Variants in SNTG2 observed in about 807,000 individuals in gnomAD.
SNTG2 encodes the protein syntrophin gamma 2.
A neutral mutation model predicts 70.9 loss-of-function variants in SNTG2; 74 were observed. The observed-to-expected ratio is 1.04, with a 90% CI of 0.86 to 1.27. SNTG2 has a LOEUF of 1.27. SNTG2 is among the 50% of genes most tolerant of loss of function. The pLI is 0.00. For synonymous variants in SNTG2, 278 were observed against 273.8 expected, an observed-to-expected ratio of 1.02 and a Z score of -0.15; for missense variants, 717 against 690.7, an observed-to-expected ratio of 1.04 and a Z score of -0.43.
At chr2:1,007,694 A>G (rs1388524479) in intron 1 of SNTG2, among the ~76,000 whole-genome samples, 3 of 152,226 alleles carry the variant, frequency 2.0e-5, no homozygotes, top group Non-Finnish European at 4.4e-5. Flanking sequence ...GTTCAGGTCT[A>G]TAGAAAAAGA....
chr2:1,060,490 G>T (rs975463340), intron 1 of SNTG2, among the ~76,000 whole-genome samples: 2 of 152,098 alleles, frequency 1.3e-5, no homozygotes, highest in South Asian at 4.1e-4. Context: ...TCCCGGCTTT[G>T]GATTCTAAAT....
chr2:1,127,904 G>A (rs1667797849), intron 4 of SNTG2, among the ~76,000 whole-genome samples: 1 of 152,022 alleles, frequency 6.6e-6, no homozygotes, highest in Non-Finnish European at 1.5e-5. Flanking sequence ...CTGCAAAAAG[G>A]GACAATTTGA....
At chr2:1,294,177 T>C (rs923301131) in intron 14 of SNTG2, among the ~76,000 whole-genome samples, 7 of 152,198 alleles carry the variant, frequency 4.6e-5, no homozygotes, top group Admixed American at 3.3e-4. Flanking sequence ...AATGGTATGC[T>C]GAACAACTCC....
At chr2:1,290,407 C>T (rs1396270151) in intron 14 of SNTG2, among the ~76,000 whole-genome samples, 2 of 151,922 alleles carry the variant, frequency 1.3e-5, no homozygotes, top group South Asian at 4.2e-4. Flanking sequence ...CTCCGGCTCC[C>T]AGGTTCCAGC....
intron 1 of SNTG2, among the ~76,000 whole-genome samples, chr2:1,062,701 T>A (rs1426456706): frequency 6.6e-6 from 1 of 152,246 alleles, no homozygotes; most frequent in Non-Finnish European, 1.5e-5. Context: ...GATTTTTGCA[T>A]GTACAAATTT....
intron 1 of SNTG2, among the ~76,000 whole-genome samples, chr2:952,706 C>A (rs1191017318): frequency 6.6e-6 from 1 of 152,134 alleles, no homozygotes; most frequent in Non-Finnish European, 1.5e-5. Flanking sequence ...TAAGATGGAG[C>A]ATTTTAAGAG....
intron 8 of SNTG2, among the ~76,000 whole-genome samples, chr2:1,189,090 T>C (rs942335901): frequency 1.3e-5 from 2 of 152,084 alleles, no homozygotes; most frequent in Non-Finnish European, 2.9e-5. Flanking sequence ...AATGTGGATA[T>C]AATGAGAGAT....
chr2:1,086,928 A>G (rs959356507), intron 2 of SNTG2, among the ~76,000 whole-genome samples: 7 of 152,216 alleles, frequency 4.6e-5, no homozygotes, highest in African/African-American at 1.4e-4. Flanking sequence ...TTAGGTACCA[A>G]TGAGAAGCAT....
At chr2:1,222,487 AGTGGTG>A (rs1675337544) in intron 9 of SNTG2, among the ~76,000 whole-genome samples, 1 of 140,042 alleles carries the variant, frequency 7.1e-6, no homozygotes, top group Admixed American at 7.1e-5. Context: ...TGTAGAGGAA[AGTGGTG>A]CAGTGATGGA....
intron 1 of SNTG2, among the ~76,000 whole-genome samples, chr2:1,045,785 C>T (rs1281781037): frequency 6.6e-6 from 1 of 151,980 alleles, no homozygotes; most frequent in Non-Finnish European, 1.5e-5. Context: ...TTGAGAATTG[C>T]CTTAAGGCTG....
At chr2:958,661 C>A (rs1297150538) in intron 1 of SNTG2, among the ~76,000 whole-genome samples, 4 of 151,714 alleles carry the variant, frequency 2.6e-5, no homozygotes, top group Non-Finnish European at 4.4e-5. Context: ...GAATTTGTAA[C>A]CAAAATACAT....
At chr2:1,198,976 C>T (rs1673109160) in intron 8 of SNTG2, among the ~76,000 whole-genome samples, 1 of 151,950 alleles carries the variant, frequency 6.6e-6, no homozygotes, top group South Asian at 2.1e-4. Flanking sequence ...AACATCCATA[C>T]TTCTTAAACT....
intron 1 of SNTG2, among the ~76,000 whole-genome samples, chr2:1,046,707 G>A (rs181372947): frequency 1.3e-5 from 2 of 152,252 alleles, no homozygotes; most frequent in East Asian, 3.9e-4. Context: ...AGGTTGTAGG[G>A]TTTCTGCTGA....
At chr2:1,228,322 C>T (rs1297258123) in intron 9 of SNTG2, among the ~76,000 whole-genome samples, 2 of 152,244 alleles carry the variant, frequency 1.3e-5, no homozygotes, top group Non-Finnish European at 2.9e-5. Context: ...AAGGCCGGCT[C>T]TGGCCCTGAT....
At chr2:1,032,676 T>A (rs1209082283) in intron 1 of SNTG2, among the ~76,000 whole-genome samples, 2 of 152,168 alleles carry the variant, frequency 1.3e-5, no homozygotes, top group Non-Finnish European at 2.9e-5. Context: ...ATTAAGTATA[T>A]TATCTGTGGG....
At chr2:965,342 G>T in intron 1 of SNTG2, among the ~76,000 whole-genome samples, 1 of 101,770 alleles carries the variant, frequency 9.8e-6, no homozygotes, top group Non-Finnish European at 2.1e-5. Context: ...CCTCCTCCTG[G>T]TCCCCAGTCC....
In SNTG2 at chr2:1,237,462, CCT is replaced by C. The variant is rs561778668; in HGVS notation, c.720-425_720-424del. ...GGGGACTATGTTCTCCCAAAGCTCC[CCT>C]GTCAATCAGAAGCACACAGGTGGTC... On this transcript the variant is annotated intron_variant, in intron 9 of 16. Transcript: ENST00000308624. 3.2e-3 allele frequency among the ~76,000 whole-genome samples: 492 copies of C among 152,082 alleles called. 5 individuals are homozygous for C. Among genetic ancestry groups the C allele is most frequent in the African/African-American group, 0.011 (470 of 41,472 alleles).
At chr2:1,219,604 C>A (rs1162659370) in intron 9 of SNTG2, among the ~76,000 whole-genome samples, 1 of 151,942 alleles carries the variant, frequency 6.6e-6, no homozygotes, top group African/African-American at 2.4e-5. Flanking sequence ...CCTGTCCATG[C>A]CTCTTGTTTT....
chr2:1,304,047 T>G (rs11211657), intron 14 of SNTG2, among the ~76,000 whole-genome samples: 2 of 151,992 alleles, frequency 1.3e-5, no homozygotes, highest in Admixed American at 1.3e-4. Flanking sequence ...CAATATCTTC[T>G]CTATAATATC....
Sources: gnomAD v4.1 joint callset for allele counts (sites outside exome capture counted in the v4.1 genomes callset) on GRCh38, gnomAD v4.1.1 for gene constraint, MANE v1.5 for transcripts, NCBI Gene and HGNC (gene_info 2026-07-23, HGNC 2026-07-21) for gene names.